The following RABGAP1L variants were observed in gnomAD, a reference collection of about 807,000 sequenced individuals.
RABGAP1L encodes the protein rab GTPase-activating protein 1-like.
RABGAP1L carries 63 observed loss-of-function variants against 137.7 expected under a neutral mutation model. The observed-to-expected ratio is 0.46, with a 90% confidence interval of 0.37 to 0.56. The LOEUF (loss-of-function observed/expected upper bound fraction) is 0.56, where lower values mean the gene tolerates loss of function less well. Ranked by LOEUF, RABGAP1L falls within the 20% of genes least tolerant of loss-of-function variation. RABGAP1L has a pLI of 0.00. For missense variants in RABGAP1L, 1,095 were observed against 1,244.0 expected (o/e 0.88, Z 1.80); for synonymous variants, 431 against 433.7 (o/e 0.99, Z 0.08).
intron 18 of RABGAP1L, among the ~76,000 whole-genome samples, chr1:174,768,699 T>C (rs1259010113): frequency 2.0e-5 from 3 of 152,198 alleles, no homozygotes; most frequent in African/African-American, 7.2e-5. Flanking sequence ...TATACTTGAA[T>C]CTCTCAAGTT....
At chr1:174,280,612 A>G (rs1675439091) in intron 10 of RABGAP1L, among the ~76,000 whole-genome samples, 1 of 152,170 alleles carries the variant, frequency 6.6e-6, no homozygotes, top group Admixed American at 6.5e-5. Flanking sequence ...GATGTATGAA[A>G]GTCTGCTTTG....
At chr1:174,606,548 C>G (rs542209846) in intron 13 of RABGAP1L, among the ~76,000 whole-genome samples, 2 of 152,316 alleles carry the variant, frequency 1.3e-5, no homozygotes, top group Middle Eastern at 6.8e-3. Flanking sequence ...AGAGGAGAGA[C>G]AGTGTTGACA....
chr1:174,245,646 T>TTA (rs1412630254), intron 5 of RABGAP1L: 1 of 150,694 alleles, frequency 6.6e-6, no homozygotes, highest in African/African-American at 2.4e-5. Context: ...AACTTTTTAT[T>TTA]TTTTTTTTTG....
At chr1:174,483,540 G>A (rs1026288796) in intron 13 of RABGAP1L, among the ~76,000 whole-genome samples, 2 of 151,970 alleles carry the variant, frequency 1.3e-5, no homozygotes, top group Non-Finnish European at 2.9e-5. Flanking sequence ...TTCATCTGTC[G>A]ATGGACACTT....
chr1:174,979,400 A>G (rs1329693673), intron 23 of RABGAP1L, among the ~76,000 whole-genome samples: 2 of 152,182 alleles, frequency 1.3e-5, no homozygotes, highest in Non-Finnish European at 2.9e-5. Flanking sequence ...TAACTGACCA[A>G]AACAATCTAT....
At chr1:174,368,515 A>G (rs914410304) in intron 11 of RABGAP1L, among the ~76,000 whole-genome samples, 1 of 152,144 alleles carries the variant, frequency 6.6e-6, no homozygotes, top group Non-Finnish European at 1.5e-5. Flanking sequence ...GATACGTTTC[A>G]TTGTTTTAAT....
chr1:174,393,798 C>T (rs1647462710), intron 12 of RABGAP1L, among the ~76,000 whole-genome samples, 197 bp from the exon 13 acceptor site: 1 of 152,046 alleles, frequency 6.6e-6, no homozygotes, highest in African/African-American at 2.4e-5. Context: ...ACCTGGTTCA[C>T]CAATAAGAAG....
chr1:174,244,691 G>A (rs1672110339), intron 5 of RABGAP1L: 1 of 152,184 alleles, frequency 6.6e-6, no homozygotes, highest in South Asian at 2.1e-4. Flanking sequence ...ACCAAGCAAG[G>A]TATCAGAAAG....
chr1:174,179,573 CACACACACACTTT>C (rs532651170), intron 1 of RABGAP1L, among the ~76,000 whole-genome samples: 70 of 148,300 alleles, frequency 4.7e-4, no homozygotes, highest in African/African-American at 1.8e-3. Flanking sequence ...CACACACACA[CACACACACACTTT>C]TTAACTGAGC....
rs750974725 is a variant in RABGAP1L at position 174,829,363 on chromosome 1, G to C, written c.2340+17403G>C. Among the ~76,000 whole-genome samples the C allele has an allele frequency of 1.4e-4, 21 of 147,992 alleles. 1 individual carries two copies. The highest frequency in any genetic ancestry group is 2.7e-4 in the Non-Finnish European group (18 of 66,568). On this transcript the variant is annotated intron_variant, in intron 19 of 25. Transcript: ENST00000681986. The stretch of plus-strand genomic sequence containing the variant: ...AAAAAGTGAAATCTGTCTGAATTTT[G>C]CTTTTAAGAGTGGTGTTTATTATAC...
At chr1:174,946,994 A>T (rs1473250964) in intron 19 of RABGAP1L, among the ~76,000 whole-genome samples, 1 of 140,434 alleles carries the variant, frequency 7.1e-6, no homozygotes, top group Admixed American at 7.3e-5. Context: ...ATATATGTAT[A>T]TATATATGTA....
intron 13 of RABGAP1L, among the ~76,000 whole-genome samples, chr1:174,510,017 C>T (rs1054822224): frequency 6.6e-6 from 1 of 152,196 alleles, no homozygotes; most frequent in African/African-American, 2.4e-5. Flanking sequence ...CGTGCTGCTT[C>T]ACCAGTCCAT....
intron 14 of RABGAP1L, among the ~76,000 whole-genome samples, chr1:174,660,958 A>G (rs1057054805): frequency 6.6e-6 from 1 of 152,200 alleles, no homozygotes; most frequent in African/African-American, 2.4e-5. Flanking sequence ...CTAGAAAATA[A>G]GCTATATGAG....
chr1:174,889,833 G>T (rs991103681), intron 19 of RABGAP1L, among the ~76,000 whole-genome samples: 13 of 152,130 alleles, frequency 8.5e-5, no homozygotes, highest in Admixed American at 6.6e-5. Context: ...GAGTCCAAGT[G>T]ATTCTCCCTC....
intron 21 of RABGAP1L, among the ~76,000 whole-genome samples, chr1:174,974,725 G>A (rs1288242463): frequency 6.6e-6 from 1 of 152,216 alleles, no homozygotes; most frequent in African/African-American, 2.4e-5. Flanking sequence ...TGAGCCATCA[G>A]GAGCCAGAAG....
Position 174,605,002 on chromosome 1 carries a change from G to T in RABGAP1L, c.1711-32373G>T, listed in dbSNP as rs181829329. On this transcript the variant is annotated intron_variant, in intron 13 of 25. Coordinates refer to ENST00000681986, the MANE Select transcript of RABGAP1L (RefSeq NM_001366446.1). ...CCAAAAATACAAAAATTTGCTGGGC[G>T]TGGTGGCACATACCTGTAATCCTAG... Among the ~76,000 whole-genome samples, 535 of 152,238 alleles carry T rather than the reference G, an allele frequency of 3.5e-3. 4 individuals carry two copies. The highest frequency in any genetic ancestry group is 0.012 in the African/African-American group (509 of 41,546).
intron 21 of RABGAP1L, 112 bp from the exon 22 acceptor site, chr1:174,975,966 T>TG: frequency 1.1e-6 from 1 of 932,748 alleles, no homozygotes. Context: ...AATAATGACT[T>TG]GCAATAATTT....
At chr1:174,268,218 G>A in intron 7 of RABGAP1L, among the ~76,000 whole-genome samples, 1 of 81,180 alleles carries the variant, frequency 1.2e-5, no homozygotes, top group East Asian at 3.4e-4. Flanking sequence ...TTTTTTTTTT[G>A]AGACGGAGTC....
chr1:174,267,061 A>T (rs1398831575), intron 7 of RABGAP1L, among the ~76,000 whole-genome samples: 1 of 152,228 alleles, frequency 6.6e-6, no homozygotes, highest in Non-Finnish European at 1.5e-5. Context: ...CTTATGGTTT[A>T]ACTGGAGCAT....
Sources: gnomAD v4.1 joint callset for allele counts (sites outside exome capture counted in the v4.1 genomes callset) on GRCh38, gnomAD v4.1.1 for gene constraint, MANE v1.5 for transcripts, NCBI Gene and HGNC (gene_info 2026-07-23, HGNC 2026-07-21) for gene names.